Variants in PLPP1 observed in about 807,000 individuals in gnomAD.
The protein encoded by PLPP1 is phospholipid phosphatase 1.
Under a neutral mutation model 31.2 loss-of-function variants are expected in PLPP1, and 24 were observed. The observed-to-expected ratio is 0.77, with a 90% CI of 0.56 to 1.08. PLPP1 has a LOEUF of 1.08. Ranked by LOEUF, PLPP1 falls within the 50% of genes least tolerant of loss-of-function variation. PLPP1 has a pLI of 0.00. For synonymous variants in PLPP1, 146 were observed against 126.3 expected (o/e 1.16, Z -1.05); for missense variants, 319 against 342.7 (o/e 0.93, Z 0.55).
chr5:55,458,009 T>C (rs1752059594), intron 3 of PLPP1, among the ~76,000 whole-genome samples: 1 of 152,234 alleles, frequency 6.6e-6, no homozygotes, highest in South Asian at 2.1e-4. Context: ...GCCTAACTTA[T>C]TAACATGTTG....
At chr5:55,530,674 C>T in intron 1 of PLPP1, 3 of 1,600,038 alleles carry the variant, frequency 1.9e-6, no homozygotes, top group Admixed American at 1.7e-5. Context: ...TTTTCAAGGT[C>T]TAAGGCCCGT....
chr5:55,432,501 T>C (rs531051093), intron 4 of PLPP1, among the ~76,000 whole-genome samples: 13 of 152,186 alleles, frequency 8.5e-5, no homozygotes, highest in African/African-American at 2.9e-4. Context: ...TCCAAAAAAT[T>C]GAAGGGAATT....
intron 1 of PLPP1, among the ~76,000 whole-genome samples, chr5:55,502,858 T>C (rs752415628): frequency 5.3e-5 from 8 of 152,206 alleles, no homozygotes; most frequent in Non-Finnish European, 1.0e-4. Flanking sequence ...ATACATTTAG[T>C]GCTTCCTCTG....
intron 1 of PLPP1, among the ~76,000 whole-genome samples, chr5:55,525,593 C>T (rs1395315570): frequency 2.0e-5 from 3 of 152,188 alleles, no homozygotes; most frequent in Non-Finnish European, 4.4e-5. Context: ...ACCTCAGTCC[C>T]CCAAAGTGCT....
chr5:55,460,248 T>C (rs1376520242), intron 3 of PLPP1, among the ~76,000 whole-genome samples: 2 of 152,004 alleles, frequency 1.3e-5, no homozygotes, highest in African/African-American at 4.8e-5. Flanking sequence ...GATCTAAGCA[T>C]CTACTTTATG....
Position 55,508,279 on chromosome 5 carries a change from C to A in PLPP1, c.58+26293G>T, listed in dbSNP as rs528686176. ...AGTTTATTTCTTCCCACTTCCCATT[C>A]TCTTTGGCCCTGATGGAAAAGATAT... On this transcript the variant is annotated intron_variant, in intron 1 of 5. Coordinates refer to ENST00000307259, the MANE Select transcript of PLPP1 (RefSeq NM_003711.4). 8.5e-5 allele frequency among the ~76,000 whole-genome samples: 13 copies of A among 152,326 alleles called. No homozygotes were observed. The South Asian group carries it at 2.5e-3, about 29-fold the overall frequency.
intron 2 of PLPP1, among the ~76,000 whole-genome samples, chr5:55,469,802 G>A (rs1752381451): frequency 6.6e-6 from 1 of 152,142 alleles, no homozygotes; most frequent in Non-Finnish European, 1.5e-5. Context: ...ATGGCTCCTA[G>A]AGTTCCATAA....
chr5:55,473,639 T>TA lies in PLPP1; in HGVS notation c.210+1659dup, dbSNP rs556309939. ...GATACAACTATATATATTTTTTAAT[T>TA]AAAAAAAAAAATCTGTGTGTGTGTG... On this transcript the variant is annotated intron_variant, in intron 2 of 5. Coordinates refer to ENST00000307259, the MANE Select transcript of PLPP1 (RefSeq NM_003711.4). Among the ~76,000 whole-genome samples, 79 of 149,084 alleles carry TA rather than the reference T, an allele frequency of 5.3e-4. 2 individuals carry two copies. In the South Asian group the frequency reaches 0.011, roughly 21 times the overall value.
chr5:55,458,953 G>A (rs1579937555), intron 3 of PLPP1, among the ~76,000 whole-genome samples: 1 of 144,026 alleles, frequency 6.9e-6, no homozygotes, highest in Admixed American at 7.0e-5. Context: ...AGCCATATTG[G>A]TAATTACATT....
intron 3 of PLPP1, among the ~76,000 whole-genome samples, chr5:55,447,504 C>T (rs1392831196): frequency 6.6e-6 from 1 of 152,162 alleles, no homozygotes; most frequent in Non-Finnish European, 1.5e-5. Context: ...TAATACACAG[C>T]GTTTCTACTT....
chr5:55,490,850 T>C (rs1424466167), intron 1 of PLPP1: 6 of 1,194,898 alleles, frequency 5.0e-6, no homozygotes, highest in Non-Finnish European at 5.8e-6. Context: ...TCATTCACCA[T>C]ATCAACACTG....
intron 1 of PLPP1, among the ~76,000 whole-genome samples, chr5:55,489,621 C>T (rs998734974): frequency 3.9e-5 from 6 of 152,100 alleles, no homozygotes; most frequent in African/African-American, 1.2e-4. Context: ...AAATACTGAG[C>T]TGCAGCCCAT....
At position 55,527,689 on chromosome 5, in the gene PLPP1, A is replaced by G. The variant is rs77047044; in HGVS notation, c.58+6883T>C. Among the ~76,000 whole-genome samples, 359 of 152,342 alleles carry G rather than the reference A, an allele frequency of 2.4e-3. 3 individuals are homozygous for G. The highest frequency in any genetic ancestry group is 8.1e-3 in the African/African-American group (335 of 41,576). Reference sequence around the variant, plus strand: ...ACAGGCAGGGTTTAGGGAAAACAGCAAAAGATGGTGGTATAACTCCAGGTT... The same window carrying G: ...ACAGGCAGGGTTTAGGGAAAACAGCGAAAGATGGTGGTATAACTCCAGGTT... On this transcript the variant is annotated intron_variant, in intron 1 of 5. Transcript: ENST00000307259.
At position 55,436,343 on chromosome 5, in the gene PLPP1, C is replaced by G. The variant is rs1751492982; in HGVS notation, c.549+5508G>C. Reference sequence around the variant, plus strand: ...ATCATGGGGGCAGGTCTTTCCCATGCTGTTCTTGTGATAGTAAGTCTCACG... The same window carrying G: ...ATCATGGGGGCAGGTCTTTCCCATGGTGTTCTTGTGATAGTAAGTCTCACG... On this transcript the variant is annotated intron_variant, in intron 4 of 5. Coordinates refer to ENST00000307259, the MANE Select transcript of PLPP1 (RefSeq NM_003711.4). Among the ~76,000 whole-genome samples the G allele has an allele frequency of 3.9e-5, 6 of 152,238 alleles. No homozygotes were observed. In the South Asian group the frequency reaches 1.2e-3, roughly 32 times the overall value.
chr5:55,516,447 T>A (rs1163112993), intron 1 of PLPP1, among the ~76,000 whole-genome samples: 1 of 152,242 alleles, frequency 6.6e-6, no homozygotes, highest in East Asian at 1.9e-4. Flanking sequence ...TTGGTTCATT[T>A]TTCATATTTA....
chr5:55,425,921 T>G lies in PLPP1; in HGVS notation c.668A>C (p.His223Pro). 1 of 1,613,934 alleles carries G rather than the reference T, an allele frequency of 6.2e-7. No individual in the cohort carries two copies. Among genetic ancestry groups the G allele is most frequent in the Non-Finnish European group, 8.5e-7 (1 of 1,179,962 alleles). ...VGLSRVSDYKHHWSDVLTGLI... is the reference protein window; with the variant it reads ...VGLSRVSDYKPHWSDVLTGLI... ...TCCAGTCAACACATCGCTCCAGTGG[T>G]GTTTATAATCAGAAACTCGAGAAAG... Residue 223 changes from histidine to proline, a missense_variant, in exon 5 of 6, where the codon CAC (histidine) becomes CCC (proline). By Grantham distance (77) the His-to-Pro change is moderately conservative (BLOSUM62 -2). Transcript: ENST00000307259.
At chr5:55,459,777 AC>A in intron 3 of PLPP1, among the ~76,000 whole-genome samples, 1 of 152,168 alleles carries the variant, frequency 6.6e-6, no homozygotes, top group Non-Finnish European at 1.5e-5. Context: ...TTCTTCAATA[AC>A]AGCTACATTG....
intron 2 of PLPP1, among the ~76,000 whole-genome samples, chr5:55,469,479 G>A (rs577634943): frequency 8.1e-5 from 12 of 147,956 alleles, no homozygotes; most frequent in South Asian, 2.2e-4. Flanking sequence ...GCGACACAGC[G>A]AGACCCCATC....
intron 3 of PLPP1, among the ~76,000 whole-genome samples, chr5:55,463,353 AAAAAAG>A (rs1287787151): frequency 6.6e-6 from 1 of 152,106 alleles, no homozygotes; most frequent in African/African-American, 2.4e-5. Context: ...AAATTAAGAT[AAAAAAG>A]AAAAAGAAAA....
Sources: allele counts gnomAD v4.1 joint callset (sites outside exome capture counted in the v4.1 genomes callset), GRCh38; gene constraint gnomAD v4.1.1; transcripts MANE v1.5; gene names NCBI Gene and HGNC (gene_info 2026-07-23, HGNC 2026-07-21).